Variants in THOC1 observed in about 807,000 individuals in gnomAD.
THOC1 encodes the protein THO complex 1.
In THOC1, 29 loss-of-function variants were observed where a neutral mutation model predicts 97.3. The observed-to-expected ratio is 0.30, with a 90% confidence interval of 0.22 to 0.41. THOC1 has a LOEUF of 0.41. Ranked by LOEUF, THOC1 falls within the 10% of genes least tolerant of loss-of-function variation. The pLI is 1.00. For synonymous variants in THOC1, 255 were observed against 257.0 expected, an observed-to-expected ratio of 0.99 and a Z score of 0.07; for missense variants, 529 against 761.9, an observed-to-expected ratio of 0.69 and a Z score of 3.60.
At chr18:261,831 A>G (rs1224257088) in intron 4 of THOC1, among the ~76,000 whole-genome samples, 2 of 152,210 alleles carry the variant, frequency 1.3e-5, no homozygotes, top group Non-Finnish European at 2.9e-5. Context: ...AGTAGAACTA[A>G]GCAAGGTTTG....
intron 12 of THOC1, 169 bp from the exon 13 acceptor site, chr18:225,572 C>T (rs1911251806): frequency 9.9e-6 from 6 of 603,658 alleles, no homozygotes; most frequent in East Asian, 2.8e-5. Context: ...AATTCTTGCA[C>T]TTCTTCCTCA....
intron 1 of THOC1, among the ~76,000 whole-genome samples, chr18:267,140 G>C (rs907190926): frequency 3.9e-5 from 6 of 152,092 alleles, no homozygotes; most frequent in African/African-American, 1.4e-4. Context: ...CCGAATATCT[G>C]AGAAATGTTG....
intron 7 of THOC1, among the ~76,000 whole-genome samples, chr18:258,329 C>T (rs556457650): frequency 6.6e-5 from 10 of 151,950 alleles, no homozygotes; most frequent in African/African-American, 9.6e-5. Context: ...GGAGAAGTAA[C>T]GATTTTTAGG....
intron 8 of THOC1, 78 bp from the exon 9 acceptor site, chr18:252,690 A>C: frequency 8.1e-7 from 1 of 1,228,572 alleles, no homozygotes; most frequent in Non-Finnish European, 1.2e-6. Context: ...ATAAGTGGTC[A>C]GTTACACATT....
At chr18:258,909 T>C (rs1330872679) in intron 7 of THOC1, among the ~76,000 whole-genome samples, 1 of 152,116 alleles carries the variant, frequency 6.6e-6, no homozygotes, top group African/African-American at 2.4e-5. Context: ...GAAATACGGA[T>C]ATGATGGTTC....
rs900120379 is a variant in THOC1 at position 225,198 on chromosome 18, T to C, written c.1087-59A>G. The C allele has an allele frequency of 2.6e-6, 4 of 1,534,756 alleles. No individual in the cohort carries two copies. The East Asian group carries it at 9.4e-5, about 36-fold the overall frequency. ...AACTTTCTGCATCATAGGAGTGGTT[T>C]GTAGGCAGAGAACCAAGGAGTGTTT... On this transcript the variant is annotated intron_variant, in intron 13 of 20. Transcript: ENST00000261600.
chr18:256,238 G>A (rs186852897), intron 7 of THOC1, among the ~76,000 whole-genome samples: 1 of 152,270 alleles, frequency 6.6e-6, no homozygotes, highest in East Asian at 1.9e-4. Flanking sequence ...AAAGTAAATG[G>A]AACTCCTTCT....
intron 15 of THOC1, 50 bp downstream of exon 15, chr18:224,871 CTCG>C: frequency 7.2e-7 from 1 of 1,391,008 alleles, no homozygotes. Flanking sequence ...AAAAGCCTTT[CTCG>C]TCGTTCTTGT....
chr18:254,367 A>G lies in THOC1; in HGVS notation c.521-12T>C. 2 of 1,538,728 alleles carry G rather than the reference A, an allele frequency of 1.3e-6. No individual in the cohort carries two copies. Among genetic ancestry groups the G allele is most frequent in the Non-Finnish European group, 1.8e-6 (2 of 1,134,296 alleles). On this transcript the variant is annotated splice_polypyrimidine_tract_variant and intron_variant, in intron 7 of 20. Transcript: ENST00000261600. The surrounding 1 kb of genome is among the most constrained non-coding windows in gnomAD (Gnocchi z 4.1). ...CTGCAAGTTAAGACCTAGTAAAAAA[A>G]CAAAAAAAAGATGCAAAGCAAGTCC...
At chr18:233,502 C>G (rs1294737816) in intron 11 of THOC1, among the ~76,000 whole-genome samples, 1 of 152,212 alleles carries the variant, frequency 6.6e-6, no homozygotes, top group Non-Finnish European at 1.5e-5. Context: ...AAGAGAATCA[C>G]TTGAACCCAG....
chr18:229,688 G>A (rs978387770), intron 11 of THOC1, among the ~76,000 whole-genome samples: 7 of 152,022 alleles, frequency 4.6e-5, no homozygotes, highest in South Asian at 2.1e-4. Context: ...GTCTTGGGGC[G>A]GGGGAAGAAA....
intron 19 of THOC1, 164 bp downstream of exon 19, chr18:216,322 C>A: frequency 1.3e-6 from 1 of 744,350 alleles, no homozygotes; most frequent in Non-Finnish European, 2.2e-6. Context: ...CATGTATTTC[C>A]TGTAAATGTA....
intron 11 of THOC1, among the ~76,000 whole-genome samples, chr18:233,995 C>G (rs1911586191): frequency 6.6e-6 from 1 of 152,176 alleles, no homozygotes; most frequent in South Asian, 2.1e-4. Flanking sequence ...GGGTCTGTAT[C>G]TATAAATGTA....
At chr18:238,641 C>T (rs1911792546) in intron 11 of THOC1, among the ~76,000 whole-genome samples, 2 of 152,170 alleles carry the variant, frequency 1.3e-5, no homozygotes, top group African/African-American at 4.8e-5. Flanking sequence ...AAAGTAAAAA[C>T]ACAGTATTAT....
chr18:233,447 A>AG (rs1911562972), intron 11 of THOC1, among the ~76,000 whole-genome samples: 1 of 152,068 alleles, frequency 6.6e-6, no homozygotes, highest in African/African-American at 2.4e-5. Flanking sequence ...TTACCCGGGC[A>AG]TGGTGGCGCA....
chr18:222,465 A>C (rs1167850448), intron 17 of THOC1, among the ~76,000 whole-genome samples: 4 of 152,242 alleles, frequency 2.6e-5, no homozygotes, highest in East Asian at 1.9e-4. Context: ...ATGTTGAAAA[A>C]GCAAGTAATA....
Position 242,268 on chromosome 18 carries a change from C to T in THOC1, c.918+4056G>A, listed in dbSNP as rs599361. 6.6e-6 allele frequency among the ~76,000 whole-genome samples: 1 copy of T among 151,606 alleles called. No homozygotes were observed. Among genetic ancestry groups the T allele is most frequent in the African/African-American group, 2.4e-5 (1 of 41,086 alleles). ...GAGGCAGGCAGATCACCTGAGGCTG[C>T]GAGTTCGAGACCAGCCTGGCCAACA... is the stretch of plus-strand genomic sequence containing the variant. On this transcript the variant is annotated intron_variant, in intron 11 of 20. Coordinates refer to ENST00000261600, the MANE Select transcript of THOC1 (RefSeq NM_005131.3). This position sits in a 1 kb window ranked among gnomAD's most constrained non-coding sequence, Gnocchi z 4.5.
Position 242,577 on chromosome 18 carries a change from C to G in THOC1, c.918+3747G>C, listed in dbSNP as rs1219954064. Among the ~76,000 whole-genome samples, 1 of 152,198 alleles carries G rather than the reference C, an allele frequency of 6.6e-6. No homozygotes were observed. Among genetic ancestry groups the G allele is most frequent in the African/African-American group, 2.4e-5 (1 of 41,452 alleles). The stretch of plus-strand genomic sequence containing the variant: ...ATTCCCATTGGATGGGGTCACGGCT[C>G]TATTACAGAGATGAAAGATCTAACC... On this transcript the variant is annotated intron_variant, in intron 11 of 20. Coordinates refer to ENST00000261600, the MANE Select transcript of THOC1 (RefSeq NM_005131.3). This position sits in a 1 kb window ranked among gnomAD's most constrained non-coding sequence, Gnocchi z 4.5.
At chr18:258,100 AT>A (rs1264163635) in intron 7 of THOC1, among the ~76,000 whole-genome samples, 6 of 152,144 alleles carry the variant, frequency 3.9e-5, no homozygotes, top group Non-Finnish European at 7.4e-5. Flanking sequence ...GAGAAAAAAA[AT>A]CTTAAGCGCA....
Sources: allele counts gnomAD v4.1 joint callset (sites outside exome capture counted in the v4.1 genomes callset), GRCh38; gene constraint gnomAD v4.1.1; non-coding constraint Gnocchi (gnomAD v3.1); transcripts MANE v1.5; gene names NCBI Gene and HGNC (gene_info 2026-07-23, HGNC 2026-07-21).